The following ZNF365 variants were observed in gnomAD, a reference collection of about 807,000 sequenced individuals.
ZNF365 encodes the protein protein ZNF365.
ZNF365 carries 22 observed loss-of-function variants against 35.0 expected under a neutral mutation model. The ratio of observed to expected loss-of-function variants is 0.63; its 90% CI spans 0.45 to 0.90. The LOEUF (loss-of-function observed/expected upper bound fraction) is 0.90, where lower values mean the gene tolerates loss of function less well. Among genes scored for constraint, ZNF365 ranks in the 40% least tolerant of loss-of-function variants. ZNF365 has a pLI of 0.00. For synonymous variants in ZNF365, 188 were observed against 196.2 expected, an observed-to-expected ratio of 0.96 and a Z score of 0.35; for missense variants, 448 against 500.3, an observed-to-expected ratio of 0.90 and a Z score of 1.00.
chr10:62,429,643 A>G (rs897910349), intron 3 of ZNF365, among the ~76,000 whole-genome samples: 1 of 152,228 alleles, frequency 6.6e-6, no homozygotes, highest in Non-Finnish European at 1.5e-5. Flanking sequence ...TATTGGGAAC[A>G]TAGTACCACC....
At chr10:62,413,363 A>G (rs1312179844) in intron 3 of ZNF365, among the ~76,000 whole-genome samples, 1 of 152,204 alleles carries the variant, frequency 6.6e-6, no homozygotes, top group African/African-American at 2.4e-5. Flanking sequence ...TAGAGGAGAA[A>G]AAAAGTATGC....
chr10:62,427,107 C>T (rs537919523), intron 3 of ZNF365, among the ~76,000 whole-genome samples: 1 of 152,308 alleles, frequency 6.6e-6, no homozygotes, highest in African/African-American at 2.4e-5. Context: ...ACACGTTACT[C>T]ACATGTTTGT....
At chr10:62,461,477 G>C (rs1242109050) in intron 4 of ZNF365, among the ~76,000 whole-genome samples, 2 of 152,224 alleles carry the variant, frequency 1.3e-5, no homozygotes, top group Non-Finnish European at 2.9e-5. Flanking sequence ...CTGCTCTTCA[G>C]ATGGGGGCTT....
In ZNF365 at chr10:62,474,214, G is replaced by C. The variant is rs1008503292; in HGVS notation, c.982-5662G>C. 2.6e-5 allele frequency among the ~76,000 whole-genome samples: 4 copies of C among 152,216 alleles called. No homozygotes were observed. The East Asian group carries it at 7.7e-4, about 29-fold the overall frequency. ...ATAAGAACCCCATGATCATGGCTGG[G>C]GCCACCTTCCATGAAAGATATGGCC... On this transcript the variant is annotated intron_variant, in intron 4 of 4. Coordinates refer to the ZNF365 transcript ENST00000395255.
chr10:62,413,225 G>A (rs1190270653), intron 3 of ZNF365, among the ~76,000 whole-genome samples: 2 of 152,098 alleles, frequency 1.3e-5, no homozygotes, highest in Non-Finnish European at 2.9e-5. Flanking sequence ...ATTTCCCAAA[G>A]TGTGTTCCAT....
chr10:62,436,738 A>G (rs1840413646), intron 3 of ZNF365, among the ~76,000 whole-genome samples: 1 of 152,198 alleles, frequency 6.6e-6, no homozygotes, highest in Admixed American at 6.5e-5. Flanking sequence ...TGATGGAAGG[A>G]CAACCAATTG....
chr10:62,381,769 C>T (rs1177166871), intron 2 of ZNF365, among the ~76,000 whole-genome samples: 1 of 152,200 alleles, frequency 6.6e-6, no homozygotes, highest in Non-Finnish European at 1.5e-5. Flanking sequence ...GCTTTTGCCA[C>T]TGCTAGGCTT....
exon 5 of ZNF365, chr10:62,479,914 G>A (rs766444907): frequency 6.2e-7 from 1 of 1,613,100 alleles, no homozygotes; most frequent in South Asian, 1.1e-5. Flanking sequence ...CGAATGATGT[G>A]ATTCTGGATG....
At chr10:62,403,518 C>T (rs368833062), downstream of ZNF365, among the ~76,000 whole-genome samples, 3 of 152,226 alleles carry the variant, frequency 2.0e-5, no homozygotes, top group South Asian at 6.2e-4. Context: ...ATTAGCCGGG[C>T]GCAGTGGCGG....
At chr10:62,434,617 G>A (rs1394265029) in intron 3 of ZNF365, among the ~76,000 whole-genome samples, 1 of 152,136 alleles carries the variant, frequency 6.6e-6, no homozygotes, top group Admixed American at 6.5e-5. Flanking sequence ...TTGGAAGACT[G>A]CACGGAACCG....
chr10:62,402,554 T>C (rs1389434009), downstream of ZNF365: 3 of 676,424 alleles, frequency 4.4e-6, no homozygotes, highest in Admixed American at 1.9e-4. Flanking sequence ...CTGTTCATCA[T>C]ACATATAATC....
Position 62,470,033 on chromosome 10 carries a change from T to C in ZNF365, c.982-9843T>C, listed in dbSNP as rs565981724. Reference sequence around the variant, plus strand: ...AACTATTGCTATTATTAATATATGATAGTTCCAATTTCTAGTAGTATAAAT... The same window carrying C: ...AACTATTGCTATTATTAATATATGACAGTTCCAATTTCTAGTAGTATAAAT... On this transcript the variant is annotated intron_variant, in intron 4 of 4. Transcript: ENST00000395255. Among the ~76,000 whole-genome samples, 22 of 152,352 alleles carry C rather than the reference T, an allele frequency of 1.4e-4. No homozygotes were observed. In the South Asian group the frequency reaches 4.6e-3, roughly 32 times the overall value.
chr10:62,388,992 A>T (rs1418870989), intron 3 of ZNF365, among the ~76,000 whole-genome samples: 1 of 151,950 alleles, frequency 6.6e-6, no homozygotes, highest in Non-Finnish European at 1.5e-5. Flanking sequence ...CCACATACAC[A>T]TTTTTTTCCT....
intron 4 of ZNF365, among the ~76,000 whole-genome samples, chr10:62,467,669 A>C (rs182498326): frequency 6.6e-6 from 1 of 152,202 alleles, no homozygotes; most frequent in African/African-American, 2.4e-5. Context: ...GCCTGGACTT[A>C]ATGGAATCAG....
intron 3 of ZNF365, among the ~76,000 whole-genome samples, chr10:62,397,019 G>A (rs1214607006): frequency 6.6e-6 from 1 of 152,262 alleles, no homozygotes; most frequent in Non-Finnish European, 1.5e-5. Context: ...GTGGGGTAGA[G>A]AAAGTTGATG....
chr10:62,387,110 T>C (rs540699246), intron 2 of ZNF365, among the ~76,000 whole-genome samples: 35 of 152,282 alleles, frequency 2.3e-4, no homozygotes, highest in African/African-American at 7.9e-4. Context: ...TTGCAGAACA[T>C]ACAAGGGTGA....
chr10:62,457,464 C>T (rs1045159306), intron 3 of ZNF365, among the ~76,000 whole-genome samples: 2 of 152,154 alleles, frequency 1.3e-5, no homozygotes, highest in African/African-American at 2.4e-5. Flanking sequence ...TTCACATTTG[C>T]CAAAGCATGT....
At chr10:62,452,570 C>A (rs1481409802) in intron 3 of ZNF365, among the ~76,000 whole-genome samples, 2 of 152,140 alleles carry the variant, frequency 1.3e-5, no homozygotes, top group Non-Finnish European at 2.9e-5. Flanking sequence ...CTCCCTGGAG[C>A]AACAATTCTA....
At chr10:62,390,973 G>A (rs1839617685) in intron 3 of ZNF365, among the ~76,000 whole-genome samples, 2 of 152,232 alleles carry the variant, frequency 1.3e-5, no homozygotes, top group South Asian at 4.1e-4. Flanking sequence ...CTCTGGGTGA[G>A]TCAGTGAGTG....
Sources: allele counts gnomAD v4.1 joint callset (sites outside exome capture counted in the v4.1 genomes callset), GRCh38; gene constraint gnomAD v4.1.1; transcripts MANE v1.5; gene names NCBI Gene and HGNC (gene_info 2026-07-23, HGNC 2026-07-21).